The following ESF1 variants were observed in gnomAD, a reference collection of about 807,000 sequenced individuals.
ESF1 encodes ESF1 homolog.
In ESF1, 58 loss-of-function variants were observed where a neutral mutation model predicts 92.0. That is an observed-to-expected ratio of 0.63 (90% confidence interval 0.51 to 0.78). The LOEUF is 0.78. Ranked by LOEUF, ESF1 falls within the 30% of genes least tolerant of loss-of-function variation. The pLI, the probability that ESF1 is intolerant of heterozygous loss-of-function variation, is 0.00. For synonymous variants in ESF1, 321 were observed against 313.7 expected (o/e 1.02, Z -0.24); for missense variants, 922 against 989.1 (o/e 0.93, Z 0.91).
intron 2 of ESF1, among the ~76,000 whole-genome samples, chr20:13,781,182 T>C (rs1230642892): frequency 3.3e-5 from 5 of 152,216 alleles, no homozygotes; most frequent in Non-Finnish European, 1.5e-5. Context: ...TCTTCTACTT[T>C]AGATCTATAT....
intron 13 of ESF1, 133 bp downstream of exon 13, chr20:13,717,235 T>C: frequency 9.3e-7 from 1 of 1,073,560 alleles, no homozygotes. Flanking sequence ...GTTGGGATTA[T>C]AGGCGTGAGC....
chr20:13,747,821 T>C lies in ESF1; in HGVS notation c.1828+11871A>G, dbSNP rs145357296. Among the ~76,000 whole-genome samples the C allele has an allele frequency of 1.1e-4, 16 of 152,290 alleles. No individual in the cohort carries two copies. The East Asian group carries it at 3.1e-3, about 29-fold the overall frequency. On this transcript the variant is annotated intron_variant, in intron 9 of 13. Coordinates refer to ENST00000617257, the MANE Select transcript of ESF1 (RefSeq NM_001276380.2). The stretch of plus-strand genomic sequence containing the variant: ...GGCTAATGTTAAGACCTTTTTATCA[T>C]TGTGTGAACATCGTAATAGAGTATA...
intron 5 of ESF1, among the ~76,000 whole-genome samples, chr20:13,771,912 C>CTTTTTTTTTTTTT (rs5840576): frequency 7.8e-6 from 1 of 128,776 alleles, no homozygotes; most frequent in Non-Finnish European, 1.7e-5. Flanking sequence ...ACAACACATT[C>CTTTTTTTTTTTTT]TTTTTTTTTT....
intron 9 of ESF1, among the ~76,000 whole-genome samples, chr20:13,747,551 A>G (rs943401979): frequency 2.0e-5 from 3 of 150,492 alleles, no homozygotes; most frequent in Admixed American, 1.3e-4. Flanking sequence ...CCGAGATGGC[A>G]CCACTGCACT....
At chr20:13,748,403 TATATACACATATATATAC>T (rs60297504) in intron 9 of ESF1, among the ~76,000 whole-genome samples, 1 of 117,782 alleles carries the variant, frequency 8.5e-6, no homozygotes, top group African/African-American at 3.4e-5. Flanking sequence ...TCAAAGGATA[TATATACACATATATATAC>T]ATATACACAT....
rs368296225 is a variant in ESF1, at chr20:13,772,537, C to T, written c.1228G>A (p.Glu410Lys). The T allele has an allele frequency of 3.1e-6, 5 of 1,612,060 alleles. No individual in the cohort carries two copies. In the African/African-American group the frequency reaches 5.3e-5, roughly 17 times the overall value. ...QGPVELLSIP[E>K]DAPEKDWTSR... Reference sequence around the variant, plus strand: ...TACCAGTCTTTTTCTGGGGCATCTTCAGGAATACTTAATAGCTCTACTGGT... The same window carrying T: ...TACCAGTCTTTTTCTGGGGCATCTTTAGGAATACTTAATAGCTCTACTGGT... The change falls in exon 5 of 14, where the codon GAA (glutamate) becomes AAA (lysine). Residue 410 changes from glutamate (E) to lysine (K), a missense_variant. Coordinates refer to ENST00000617257, the MANE Select transcript of ESF1 (RefSeq NM_001276380.2).
intron 8 of ESF1, among the ~76,000 whole-genome samples, chr20:13,766,390 A>G (rs1403598078): frequency 6.6e-6 from 1 of 152,226 alleles, no homozygotes; most frequent in African/African-American, 2.4e-5. Context: ...GAATAATTAC[A>G]GAAACAGGGA....
chr20:13,764,852 G>A (rs1328320435), intron 8 of ESF1, among the ~76,000 whole-genome samples: 1 of 151,632 alleles, frequency 6.6e-6, no homozygotes, highest in Non-Finnish European at 1.5e-5. Flanking sequence ...ACCTCACACA[G>A]TTCAAACCCG....
At chr20:13,777,407 A>G (rs1043043825) in intron 2 of ESF1, among the ~76,000 whole-genome samples, 2 of 152,168 alleles carry the variant, frequency 1.3e-5, no homozygotes, top group Admixed American at 1.3e-4. Context: ...GTGGAGGGAA[A>G]TCATGAGTTC....
intron 9 of ESF1, among the ~76,000 whole-genome samples, chr20:13,735,097 A>C (rs1378388159): frequency 6.6e-6 from 1 of 152,134 alleles, no homozygotes; most frequent in Non-Finnish European, 1.5e-5. Context: ...AGAAGTATGC[A>C]ACCCTTTCCT....
chr20:13,721,900 C>A (rs969164155), intron 11 of ESF1, among the ~76,000 whole-genome samples: 1 of 150,776 alleles, frequency 6.6e-6, no homozygotes, highest in Non-Finnish European at 1.5e-5. Context: ...TATAATCTTT[C>A]TCTGTCTTAA....
intron 9 of ESF1, among the ~76,000 whole-genome samples, chr20:13,744,116 G>A (rs62209176): frequency 0.018 from 2,689 of 152,218 alleles, 37 homozygotes; most frequent in Middle Eastern, 0.044. Flanking sequence ...GGCCCATGCC[G>A]GACCATTGAT....
At chr20:13,721,878 G>T (rs570957468) in intron 11 of ESF1, among the ~76,000 whole-genome samples, 1 of 151,950 alleles carries the variant, frequency 6.6e-6, no homozygotes, top group Non-Finnish European at 1.5e-5. Flanking sequence ...AATAATATAC[G>T]AATCTTAAGA....
At chr20:13,720,309 A>G (rs1364190608) in intron 11 of ESF1, among the ~76,000 whole-genome samples, 1 of 152,040 alleles carries the variant, frequency 6.6e-6, no homozygotes, top group Non-Finnish European at 1.5e-5. Context: ...CTTTTGTTTG[A>G]CCACCTAGAG....
At chr20:13,748,979 A>T (rs1208479903) in intron 9 of ESF1, among the ~76,000 whole-genome samples, 1 of 152,162 alleles carries the variant, frequency 6.6e-6, no homozygotes, top group Non-Finnish European at 1.5e-5. Flanking sequence ...CAGCAATGGG[A>T]TCCTAAAATA....
chr20:13,748,568 G>A (rs1250871977), intron 9 of ESF1, among the ~76,000 whole-genome samples: 885 of 14,124 alleles, frequency 0.063, 13 homozygotes, highest in African/African-American at 0.082. Context: ...ATATATATGT[G>A]TGTGTGTATA....
intron 12 of ESF1, among the ~76,000 whole-genome samples, chr20:13,718,172 AT>A (rs2049843618): frequency 6.6e-6 from 1 of 152,172 alleles, no homozygotes; most frequent in South Asian, 2.1e-4. Context: ...GGATCTTCCT[AT>A]ATTACCACTT....
chr20:13,776,259 T>A lies in ESF1; in HGVS notation c.649A>T (p.Ile217Leu). ...RREMQSVVQL[I>L]MTRDSDGYEN... ...TAACCATCACTGTCTCTTGTCATTA[T>A]GAGTTGAACCACTGCAAAATGTTAA... Residue 217 changes from isoleucine to leucine, a missense_variant, in exon 3 of 14, where the codon ATA becomes TTA. By Grantham distance (5) the Ile-to-Leu change is conservative (BLOSUM62 2). Coordinates refer to ENST00000617257, the MANE Select transcript of ESF1 (RefSeq NM_001276380.2). The A allele has an allele frequency of 6.2e-7, 1 of 1,611,696 alleles. No homozygotes were observed. The highest frequency in any genetic ancestry group is 8.5e-7 in the Non-Finnish European group (1 of 1,179,050).
At chr20:13,716,880 A>C (rs1443555226) in intron 13 of ESF1, among the ~76,000 whole-genome samples, 1 of 130,202 alleles carries the variant, frequency 7.7e-6, no homozygotes, top group South Asian at 2.6e-4. Flanking sequence ...TGCAGTGGCG[A>C]GATCTCGGCT....
Sources: allele counts gnomAD v4.1 joint callset (sites outside exome capture counted in the v4.1 genomes callset), GRCh38; gene constraint gnomAD v4.1.1; transcripts MANE v1.5; gene names NCBI Gene and HGNC (gene_info 2026-07-23, HGNC 2026-07-21).